Variants in DOK5 observed in about 807,000 individuals in gnomAD.
DOK5 encodes the protein downstream of tyrosine kinase 5.
DOK5 carries 27 observed loss-of-function variants against 43.3 expected under a neutral mutation model. That is an observed-to-expected ratio of 0.62 (90% confidence interval 0.46 to 0.86). DOK5 has a LOEUF of 0.86. DOK5 is among the 40% of genes least tolerant of loss of function. The pLI is 0.00. For synonymous variants in DOK5, 146 were observed against 140.1 expected (o/e 1.04, Z -0.30); for missense variants, 373 against 392.9 (o/e 0.95, Z 0.43).
At position 54,542,099 on chromosome 20, in the gene DOK5, T is replaced by TACACAC. The variant is rs59020714; in HGVS notation, c.67-12799_67-12794dup. Reference sequence around the variant, plus strand: ...TCACACCATGAGACATATTATAAGATACACACACACACACACACACACACA... The same window carrying TACACAC: ...TCACACCATGAGACATATTATAAGATACACACACACACACACACACACACACACACA... On this transcript the variant is annotated intron_variant, in intron 1 of 7. Transcript: ENST00000262593. Among the ~76,000 whole-genome samples the TACACAC allele has an allele frequency of 2.1e-3, 251 of 122,040 alleles. 1 individual carries two copies. Among genetic ancestry groups the TACACAC allele is most frequent in the East Asian group, 5.8e-3 (27 of 4,646 alleles). The allele number at this position is 122,040 out of a possible 152,430, so 80.1% of individuals were successfully genotyped here.
intron 1 of DOK5, among the ~76,000 whole-genome samples, chr20:54,548,765 T>C (rs567623849): frequency 6.6e-6 from 1 of 152,372 alleles, no homozygotes; most frequent in South Asian, 2.1e-4. Context: ...CAAACTGTCA[T>C]TCTTTGAAAC....
At chr20:54,562,643 C>T (rs1227703286) in intron 2 of DOK5, among the ~76,000 whole-genome samples, 1 of 152,052 alleles carries the variant, frequency 6.6e-6, no homozygotes, top group Non-Finnish European at 1.5e-5. Context: ...GTCTCGAACT[C>T]GTGGGCTCAA....
At chr20:54,501,869 G>A (rs1019005693) in intron 1 of DOK5, among the ~76,000 whole-genome samples, 5 of 152,188 alleles carry the variant, frequency 3.3e-5, no homozygotes, top group African/African-American at 1.2e-4. Context: ...CTAGAAAGAA[G>A]ACACTTAATA....
chr20:54,610,330 G>A, intron 5 of DOK5, 58 bp from the exon 6 acceptor site: 1 of 1,430,012 alleles, frequency 7.0e-7, no homozygotes, highest in Non-Finnish European at 9.2e-7. Context: ...CAGGATCTTG[G>A]TGCATTGAAC....
chr20:54,554,978 G>C lies in DOK5; in HGVS notation c.112G>C (p.Gly38Arg). 2 of 1,613,972 alleles carry C rather than the reference G, an allele frequency of 1.2e-6. No homozygotes were observed. Among genetic ancestry groups the C allele is most frequent in the Non-Finnish European group, 1.7e-6 (2 of 1,179,928 alleles). Reference protein sequence around the residue: ...WLVFKKASSKGPKRLEKFSDE... With the variant: ...WLVFKKASSKRPKRLEKFSDE... ...AGTATTCAAGAAAGCTTCAAGCAAA[G>C]GTCCAAAAAGACTGGAGAAATTTTC... The change falls in exon 2 of 8, where the codon GGT becomes CGT. Residue 38 changes from glycine to arginine, a missense_variant. Transcript: ENST00000262593.
chr20:54,544,394 T>C (rs1181677835), intron 1 of DOK5, among the ~76,000 whole-genome samples: 3 of 152,164 alleles, frequency 2.0e-5, no homozygotes, highest in Non-Finnish European at 4.4e-5. Flanking sequence ...AGAAATCACT[T>C]TTTGTAGTCT....
chr20:54,585,322 T>A (rs746146995), intron 2 of DOK5, among the ~76,000 whole-genome samples: 1 of 152,196 alleles, frequency 6.6e-6, no homozygotes, highest in Non-Finnish European at 1.5e-5. Context: ...GTTCAGTTGC[T>A]GATTTCCTAA....
chr20:54,636,143 C>T (rs1479159591), intron 6 of DOK5, among the ~76,000 whole-genome samples: 1 of 152,228 alleles, frequency 6.6e-6, no homozygotes, highest in African/African-American at 2.4e-5. Context: ...TAAAAGAAAT[C>T]TGACATGGCT....
intron 6 of DOK5, among the ~76,000 whole-genome samples, chr20:54,622,006 C>G (rs1305099427): frequency 2.0e-5 from 3 of 151,918 alleles, no homozygotes; most frequent in Admixed American, 6.6e-5. Flanking sequence ...CCATCTTGAC[C>G]AATATGCTGA....
intron 1 of DOK5, among the ~76,000 whole-genome samples, chr20:54,513,462 CAAAA>C (rs1011871917): frequency 0.021 from 509 of 24,574 alleles, 1 homozygote; most frequent in East Asian, 0.034. Context: ...ATACTCTGAG[CAAAA>C]AAAAAAAAAA....
chr20:54,605,001 C>A (rs867427156), intron 5 of DOK5, among the ~76,000 whole-genome samples: 20 of 108,938 alleles, frequency 1.8e-4, no homozygotes, highest in African/African-American at 1.8e-4. Flanking sequence ...GACTGTGTCT[C>A]AAAAAAAAAA....
chr20:54,599,821 A>C (rs1361885765), intron 5 of DOK5, among the ~76,000 whole-genome samples: 2 of 152,208 alleles, frequency 1.3e-5, no homozygotes, highest in African/African-American at 4.8e-5. Context: ...ATATTCACCT[A>C]GTGCACCCTA....
intron 6 of DOK5, among the ~76,000 whole-genome samples, chr20:54,628,064 A>G (rs1444522793): frequency 6.6e-6 from 1 of 152,226 alleles, no homozygotes; most frequent in African/African-American, 2.4e-5. Flanking sequence ...AACAGAGTCA[A>G]TTCAGGCATA....
chr20:54,507,068 T>C (rs1982834143), intron 1 of DOK5, among the ~76,000 whole-genome samples: 1 of 152,220 alleles, frequency 6.6e-6, no homozygotes, highest in Admixed American at 6.5e-5. Context: ...TAGTATAACA[T>C]AAAGGATTCT....
chr20:54,567,254 C>T (rs1213311178), intron 2 of DOK5, among the ~76,000 whole-genome samples: 1 of 151,856 alleles, frequency 6.6e-6, no homozygotes, highest in Non-Finnish European at 1.5e-5. Context: ...GAACTCCTTG[C>T]CTGAAGTTCA....
intron 1 of DOK5, among the ~76,000 whole-genome samples, chr20:54,510,795 A>C (rs1304163456): frequency 6.6e-6 from 1 of 152,118 alleles, no homozygotes; most frequent in Non-Finnish European, 1.5e-5. Flanking sequence ...TATTGGGAGC[A>C]CACCCCATCT....
intron 1 of DOK5, among the ~76,000 whole-genome samples, chr20:54,487,390 C>G (rs1473118502): frequency 6.6e-6 from 1 of 152,030 alleles, no homozygotes. Context: ...TCAAGTGATA[C>G]TGGTTTCCAA....
intron 4 of DOK5, among the ~76,000 whole-genome samples, chr20:54,591,268 C>A (rs1296248085): frequency 2.0e-5 from 3 of 151,584 alleles, no homozygotes; most frequent in South Asian, 4.2e-4. Context: ...TTAATGTGTT[C>A]TTGGCAGGAA....
intron 1 of DOK5, among the ~76,000 whole-genome samples, chr20:54,525,334 G>T (rs1484093604): frequency 6.6e-6 from 1 of 152,136 alleles, no homozygotes; most frequent in African/African-American, 2.4e-5. Context: ...TTCCCTTTTG[G>T]ACTTGAACAT....
Sources: allele counts gnomAD v4.1 joint callset (sites outside exome capture counted in the v4.1 genomes callset), GRCh38; gene constraint gnomAD v4.1.1; transcripts MANE v1.5; gene names NCBI Gene and HGNC (gene_info 2026-07-23, HGNC 2026-07-21).